The following DDR2 variants were observed in gnomAD, a reference collection of about 807,000 sequenced individuals.
DDR2 encodes the protein discoidin domain receptor tyrosine kinase 2, also known as discoidin domain-containing receptor 2.
In DDR2, 27 loss-of-function variants were observed where a neutral mutation model predicts 94.9. That is an observed-to-expected ratio of 0.28 (90% CI 0.21 to 0.39). DDR2 has a LOEUF of 0.39. Ranked by LOEUF, DDR2 falls within the 10% of genes least tolerant of loss-of-function variation. The pLI is 1.00. For synonymous variants in DDR2, 382 were observed against 377.2 expected (o/e 1.01, Z -0.15); for missense variants, 783 against 1,076.0 (o/e 0.73, Z 3.81).
chr1:162,634,130 A>G (rs1410759667), intron 1 of DDR2, among the ~76,000 whole-genome samples: 2 of 152,164 alleles, frequency 1.3e-5, no homozygotes, highest in Admixed American at 6.5e-5. Context: ...GTGTCAGGCT[A>G]TGGGAGCAGT....
At chr1:162,636,599 G>A (rs1243118292) in intron 1 of DDR2, among the ~76,000 whole-genome samples, 5 of 152,296 alleles carry the variant, frequency 3.3e-5, no homozygotes, top group African/African-American at 1.2e-4. Flanking sequence ...ATGTAGTGAG[G>A]CTCTAGTCCC....
chr1:162,696,823 C>A (rs1012875572), intron 2 of DDR2, among the ~76,000 whole-genome samples: 6 of 152,106 alleles, frequency 3.9e-5, no homozygotes, highest in African/African-American at 1.2e-4. Context: ...TGCCCAGCCA[C>A]CAGCTTCCCC....
At chr1:162,680,013 T>A (rs1659327925) in intron 2 of DDR2, among the ~76,000 whole-genome samples, 1 of 152,204 alleles carries the variant, frequency 6.6e-6, no homozygotes, top group Non-Finnish European at 1.5e-5. Context: ...TTGTTCAAGT[T>A]CCTTATAGAT....
intron 1 of DDR2, among the ~76,000 whole-genome samples, chr1:162,643,191 A>G (rs566097174): frequency 6.6e-6 from 1 of 152,060 alleles, no homozygotes; most frequent in African/African-American, 2.4e-5. Context: ...CCTCTCCTAG[A>G]TCCACCAGCG....
chr1:162,777,338 T>A lies in DDR2; in HGVS notation c.2283+968T>A, dbSNP rs375883275. Among the ~76,000 whole-genome samples, 301 of 152,266 alleles carry A rather than the reference T, an allele frequency of 2.0e-3. 1 individual carries two copies. Among genetic ancestry groups the A allele is most frequent in the African/African-American group, 6.8e-3 (282 of 41,566 alleles). On this transcript the variant is annotated intron_variant, in intron 16 of 17. Coordinates refer to ENST00000367921, the MANE Select transcript of DDR2 (RefSeq NM_006182.4). The stretch of plus-strand genomic sequence containing the variant: ...TGACACTATGCCATACAATTCTCTA[T>A]CTCTATTTTTAACTTAACATTTTAT...
chr1:162,718,230 T>A (rs1292604488), intron 2 of DDR2, among the ~76,000 whole-genome samples: 1 of 152,190 alleles, frequency 6.6e-6, no homozygotes, highest in Non-Finnish European at 1.5e-5. Context: ...CACTAAAAGA[T>A]ACTCCAAGTC....
At chr1:162,754,291 G>A (rs1244273126) in intron 4 of DDR2, among the ~76,000 whole-genome samples, 1 of 152,174 alleles carries the variant, frequency 6.6e-6, no homozygotes, top group African/African-American at 2.4e-5. Context: ...GTTTGAAAGA[G>A]GGAAGGGAAA....
intron 3 of DDR2, among the ~76,000 whole-genome samples, chr1:162,751,891 C>T (rs181932764): frequency 1.3e-5 from 2 of 152,236 alleles, no homozygotes; most frequent in African/African-American, 4.8e-5. Flanking sequence ...CAAACTATCG[C>T]AAGGACTGAA....
rs368937631 is a variant in DDR2, at chr1:162,749,881, G to A, written c.83-3214G>A. 2.5e-4 allele frequency among the ~76,000 whole-genome samples: 38 copies of A among 152,180 alleles called. No individual in the cohort carries two copies. In the East Asian group the frequency reaches 6.8e-3, roughly 27 times the overall value. On this transcript the variant is annotated intron_variant, in intron 3 of 17. Transcript: ENST00000367921. ...ATATGCAAATCAATAAACCTAATCC[G>A]TCATATAAACAGAACCAAAGACAAA...
intron 2 of DDR2, among the ~76,000 whole-genome samples, chr1:162,691,860 GA>G (rs1659975628): frequency 6.6e-6 from 1 of 152,230 alleles, no homozygotes; most frequent in Non-Finnish European, 1.5e-5. Flanking sequence ...GTCTGATAAA[GA>G]CAGAAATAGA....
intron 2 of DDR2, among the ~76,000 whole-genome samples, chr1:162,699,234 T>C (rs1193434320): frequency 6.6e-6 from 1 of 152,208 alleles, no homozygotes; most frequent in Non-Finnish European, 1.5e-5. Flanking sequence ...CAGAGTTGAA[T>C]TGAAACTTAC....
At chr1:162,737,621 G>A (rs1443660453) in intron 3 of DDR2, among the ~76,000 whole-genome samples, 1 of 113,706 alleles carries the variant, frequency 8.8e-6, no homozygotes, top group Non-Finnish European at 1.8e-5. Flanking sequence ...ATAAACATAC[G>A]TGTGCATGTG....
chr1:162,669,063 A>G (rs1049174439), intron 2 of DDR2, among the ~76,000 whole-genome samples: 48 of 152,264 alleles, frequency 3.2e-4, no homozygotes, highest in African/African-American at 1.1e-3. Context: ...GGGCGCAAAT[A>G]TTATAACCTT....
At chr1:162,680,486 G>T (rs1027929754) in intron 2 of DDR2, among the ~76,000 whole-genome samples, 2 of 152,134 alleles carry the variant, frequency 1.3e-5, no homozygotes, top group Non-Finnish European at 2.9e-5. Flanking sequence ...CAATTACATT[G>T]GTCTATATGT....
intron 2 of DDR2, among the ~76,000 whole-genome samples, chr1:162,701,508 T>A (rs900436724): frequency 6.6e-6 from 1 of 152,260 alleles, no homozygotes; most frequent in African/African-American, 2.4e-5. Flanking sequence ...AGCTCATGAG[T>A]ATCCATTTGC....
At chr1:162,672,041 C>T (rs1658877184) in intron 2 of DDR2, among the ~76,000 whole-genome samples, 1 of 152,196 alleles carries the variant, frequency 6.6e-6, no homozygotes, top group South Asian at 2.1e-4. Context: ...TTTAGTTCAT[C>T]CTCTTTAGAG....
intron 14 of DDR2, among the ~76,000 whole-genome samples, chr1:162,775,295 A>T (rs1409421248): frequency 6.6e-6 from 1 of 151,552 alleles, no homozygotes; most frequent in Admixed American, 6.6e-5. Context: ...CACTTAAGAT[A>T]TGATTTTCAG....
intron 2 of DDR2, among the ~76,000 whole-genome samples, chr1:162,679,057 T>TA (rs1327055203): frequency 1.3e-5 from 2 of 152,046 alleles, no homozygotes; most frequent in Non-Finnish European, 2.9e-5. Context: ...TTTTTTTTTT[T>TA]AACTTTCATT....
At chr1:162,778,989 C>T (rs1647745723) in intron 17 of DDR2, among the ~76,000 whole-genome samples, 1 of 152,156 alleles carries the variant, frequency 6.6e-6, no homozygotes, top group Non-Finnish European at 1.5e-5. Context: ...TCAAAGGTAG[C>T]AGGAAACAAA....
Sources: allele counts gnomAD v4.1 joint callset (sites outside exome capture counted in the v4.1 genomes callset), GRCh38; gene constraint gnomAD v4.1.1; transcripts MANE v1.5; gene names NCBI Gene and HGNC (gene_info 2026-07-23, HGNC 2026-07-21).